The following A2M variants were observed in gnomAD, a reference collection of about 807,000 sequenced individuals.
The protein encoded by A2M is C3 and PZP-like alpha-2-macroglobulin domain-containing protein 5.
Under a neutral mutation model 183.9 loss-of-function variants are expected in A2M, and 128 were observed. That is an observed-to-expected ratio of 0.70 (90% CI 0.60 to 0.81). The LOEUF is 0.81. Among genes scored for constraint, A2M ranks in the 30% least tolerant of loss-of-function variants. The pLI, the probability that A2M is intolerant of heterozygous loss-of-function variation, is 0.00. For missense variants in A2M, 1,495 were observed against 1,787.6 expected (o/e 0.84, Z 2.95); for synonymous variants, 592 against 670.8 (o/e 0.88, Z 1.81).
intron 35 of A2M, 112 bp downstream of exon 35, chr12:9,068,071 G>A (rs772311138): frequency 8.1e-5 from 101 of 1,249,326 alleles, no homozygotes; most frequent in Non-Finnish European, 1.1e-4. Context: ...TGTGCAGTGT[G>A]AGTAATTTGA....
intron 26 of A2M, 132 bp from the exon 27 acceptor site, chr12:9,077,552 A>G (rs189079718): frequency 6.8e-7 from 1 of 1,465,392 alleles, no homozygotes; most frequent in African/African-American, 1.4e-5. Context: ...ATCACAATCA[A>G]CTTTTGTTCT....
chr12:9,070,077 A>C (rs186408090), intron 32 of A2M, among the ~76,000 whole-genome samples: 9 of 152,362 alleles, frequency 5.9e-5, no homozygotes, highest in African/African-American at 2.2e-4. Context: ...TCATATTTCA[A>C]AGTTCAATTC....
chr12:9,074,459 C>T (rs963817511), intron 29 of A2M, 101 bp downstream of exon 29: 52 of 1,157,204 alleles, frequency 4.5e-5, no homozygotes, highest in Non-Finnish European at 5.6e-5. Flanking sequence ...TTTCAAGTTA[C>T]TGTCATCTGT....
chr12:9,106,058 A>G (rs1323943422), intron 10 of A2M, among the ~76,000 whole-genome samples, 178 bp downstream of exon 10: 1 of 152,204 alleles, frequency 6.6e-6, no homozygotes, highest in Non-Finnish European at 1.5e-5. Context: ...AGAAGAATAA[A>G]TCTATTTTTA....
chr12:9,083,503 G>A (rs1450485798), intron 22 of A2M, among the ~76,000 whole-genome samples: 2 of 151,500 alleles, frequency 1.3e-5, no homozygotes, highest in Admixed American at 6.6e-5. Flanking sequence ...AGAATACAAT[G>A]ACTAAAATTA....
chr12:9,115,729 A>G, intron 1 of A2M, 35 bp downstream of exon 1: 1 of 1,518,320 alleles, frequency 6.6e-7, no homozygotes, highest in Non-Finnish European at 9.1e-7. Flanking sequence ...GAAGGACTCT[A>G]GGTTCATGCT....
intron 11 of A2M, among the ~76,000 whole-genome samples, chr12:9,103,776 G>A (rs746283716): frequency 1.5e-4 from 23 of 152,124 alleles, no homozygotes; most frequent in Non-Finnish European, 2.9e-4. Flanking sequence ...ATATTCTGTT[G>A]TATTTATATA....
intron 11 of A2M, 26 bp downstream of exon 11, chr12:9,104,213 C>G: frequency 6.3e-7 from 1 of 1,598,838 alleles, no homozygotes; most frequent in Non-Finnish European, 8.5e-7. Context: ...TACTTCATGT[C>G]ATTGGTAATT....
chr12:9,077,729 G>T lies in A2M; in HGVS notation c.3248C>A (p.Ser1083Tyr). ...TATGGCATTGTTGAGCAGTGACCCA[G>T]AGCTCCTGAAACAGCCATTGTCCTT... Reference protein sequence around the residue: ...RQKDNGCFRSSGSLLNNAIKG... With the variant: ...RQKDNGCFRSYGSLLNNAIKG... Residue 1083 changes from serine to tyrosine, a missense_variant, in exon 26 of 36, where the codon TCT (serine) becomes TAT (tyrosine). Physicochemically the swap from Ser to Tyr is moderately radical, Grantham distance 144 (BLOSUM62 -2). Transcript: ENST00000318602. 1 of 1,614,118 alleles carries T rather than the reference G, an allele frequency of 6.2e-7. No homozygotes were observed. Among genetic ancestry groups the T allele is most frequent in the Admixed American group, 1.7e-5 (1 of 60,024 alleles).
At chr12:9,090,257 T>C (rs976253237) in intron 20 of A2M, 99 bp downstream of exon 20, 1 of 1,565,626 alleles carries the variant, frequency 6.4e-7, no homozygotes, top group African/African-American at 1.4e-5. Context: ...TCGCAGCATC[T>C]AGTGGTCTTT....
intron 24 of A2M, 50 bp from the exon 25 acceptor site, chr12:9,079,381 A>T: frequency 6.5e-7 from 1 of 1,539,792 alleles, no homozygotes; most frequent in Non-Finnish European, 9.0e-7. Flanking sequence ...GTGCATGCTG[A>T]GGGTGGAGAA....
intron 8 of A2M, among the ~76,000 whole-genome samples, chr12:9,106,996 T>G (rs895869788): frequency 6.6e-6 from 1 of 152,220 alleles, no homozygotes; most frequent in Admixed American, 6.5e-5. Flanking sequence ...GTATGTATCA[T>G]TTCTATGTGT....
At chr12:9,083,512 TA>T (rs1179817536) in intron 22 of A2M, among the ~76,000 whole-genome samples, 1 of 150,454 alleles carries the variant, frequency 6.6e-6, no homozygotes, top group Non-Finnish European at 1.5e-5. Flanking sequence ...TGACTAAAAT[TA>T]AAAATTCAAA....
At position 9,098,628 on chromosome 12, in the gene A2M, A is replaced by T; in HGVS notation, c.1830T>A (p.Asp610Glu). 6.2e-7 allele frequency: 1 copy of T among 1,606,864 alleles called. No individual in the cohort carries two copies. The highest frequency in any genetic ancestry group is 8.5e-7 in the Non-Finnish European group (1 of 1,176,938). The change falls in exon 15 of 36, where the codon GAT becomes GAA. Residue 610 changes from aspartate to glutamate, a missense_variant. Physicochemically the swap from Asp to Glu is conservative, Grantham distance 45 (BLOSUM62 2). Transcript: ENST00000318602. ...TCACCGAGGACGCCGAGAGCTCAGC[A>T]TCAGGCTTCATGAGCAGCACGCTTT... The part of the protein sequence containing the change: ...VDQSVLLMKP[D>E]AELSASSVYN...
intron 16 of A2M, 106 bp from the exon 17 acceptor site, chr12:9,095,190 A>T: frequency 1.7e-6 from 1 of 596,218 alleles, no homozygotes; most frequent in Non-Finnish European, 2.7e-6. Flanking sequence ...AACTTAAATT[A>T]AACTTTTAAC....
chr12:9,115,514 A>G, intron 1 of A2M: 1 of 380,040 alleles, frequency 2.6e-6, no homozygotes, highest in South Asian at 3.0e-5. Context: ...TCTAAAATTT[A>G]TTCTTTTAAA....
chr12:9,086,565 GAAAAAGTATT>G (rs1475135211), intron 22 of A2M, among the ~76,000 whole-genome samples: 2 of 152,162 alleles, frequency 1.3e-5, no homozygotes, highest in Non-Finnish European at 2.9e-5. Context: ...GTTAGATGGA[GAAAAAGTATT>G]TGACAGAATT....
chr12:9,099,481 A>C lies in A2M; in HGVS notation c.1601T>G (p.Ile534Ser). 1 of 1,610,448 alleles carries C rather than the reference A, an allele frequency of 6.2e-7. No homozygotes were observed. The highest frequency in any genetic ancestry group is 8.5e-7 in the Non-Finnish European group (1 of 1,178,428). Residue 534 changes from isoleucine to serine, a missense_variant, in exon 14 of 36, where the codon ATT becomes AGT. Coordinates refer to ENST00000318602, the MANE Select transcript of A2M (RefSeq NM_000014.6). ...FSISIPVKSD[I>S]APVARLLIYA... Reference sequence around the variant, plus strand: ...GATGAGCAACCGAGCGACAGGAGCAATGTCTGACTTCACAGGGATTGAGAT... The same window carrying C: ...GATGAGCAACCGAGCGACAGGAGCACTGTCTGACTTCACAGGGATTGAGAT...
intron 34 of A2M, 47 bp downstream of exon 34, chr12:9,068,693 T>C: frequency 7.0e-7 from 1 of 1,427,658 alleles, no homozygotes; most frequent in Non-Finnish European, 9.7e-7. Flanking sequence ...CCTGAATTTC[T>C]GTGATCAGGA....
Sources: allele counts gnomAD v4.1 joint callset (sites outside exome capture counted in the v4.1 genomes callset), GRCh38; gene constraint gnomAD v4.1.1; transcripts MANE v1.5; gene names NCBI Gene and HGNC (gene_info 2026-07-23, HGNC 2026-07-21).